TULP3: variants seen among roughly 807,000 people sequenced by gnomAD.
TULP3 encodes tubby-related protein 3.
A neutral mutation model predicts 50.7 loss-of-function variants in TULP3; 38 were observed. The observed-to-expected ratio is 0.75, with a 90% CI of 0.58 to 0.98. The LOEUF (loss-of-function observed/expected upper bound fraction) is 0.98. Ranked by LOEUF, TULP3 falls within the 50% of genes least tolerant of loss-of-function variation. The pLI, the probability that TULP3 is intolerant of heterozygous loss-of-function variation, is 0.00. For synonymous variants in TULP3, 183 were observed against 196.6 expected (o/e 0.93, Z 0.58); for missense variants, 550 against 568.0 (o/e 0.97, Z 0.32).
chr12:2,896,492 A>G (rs1437979217), intron 1 of TULP3, among the ~76,000 whole-genome samples: 1 of 152,186 alleles, frequency 6.6e-6, no homozygotes, highest in East Asian at 1.9e-4. Flanking sequence ...ATTCAGGTAG[A>G]TTGGGAGTGA....
chr12:2,898,370 G>T (rs1200222383), intron 1 of TULP3, among the ~76,000 whole-genome samples: 1 of 152,052 alleles, frequency 6.6e-6, no homozygotes, highest in African/African-American at 2.4e-5. Context: ...TTGCTTTGTT[G>T]CCCAAGCTGG....
intron 2 of TULP3, among the ~76,000 whole-genome samples, chr12:2,912,040 G>C (rs1390473744): frequency 6.6e-6 from 1 of 152,020 alleles, no homozygotes; most frequent in Non-Finnish European, 1.5e-5. Context: ...AAGTCACTCA[G>C]TAGGGGGTAA....
intron 1 of TULP3, among the ~76,000 whole-genome samples, chr12:2,906,419 C>T (rs2098182286): frequency 6.6e-6 from 1 of 151,170 alleles, no homozygotes; most frequent in South Asian, 2.1e-4. Flanking sequence ...TCCTCCGCCT[C>T]CTGGGTTCAA....
intron 2 of TULP3, among the ~76,000 whole-genome samples, chr12:2,917,680 A>G (rs901880528): frequency 1.3e-5 from 2 of 151,978 alleles, no homozygotes; most frequent in Admixed American, 6.6e-5. Context: ...GATCGAGACC[A>G]TCCTGGCCAA....
rs946256961 is a variant in TULP3, at chr12:2,939,232, G to C, written c.1196-79G>C. 2 of 1,511,968 alleles carry C rather than the reference G, an allele frequency of 1.3e-6. No homozygotes were observed. Among genetic ancestry groups the C allele is most frequent in the South Asian group, 2.4e-5 (2 of 82,192 alleles). The allele number at this position is 1,511,968 out of a possible 1,614,324, so 93.7% of individuals were successfully genotyped here. ...GGCGACAGAGCAAAACCCCATCTAA[G>C]AAAAGGAAGAAAAAGAAAAAGATTT... On this transcript the variant is annotated intron_variant, in intron 10 of 10. Transcript: ENST00000448120. The surrounding 1 kb of genome is among the most constrained non-coding windows in gnomAD (Gnocchi z 4.0).
At chr12:2,897,021 ATTTTTT>A in intron 1 of TULP3, among the ~76,000 whole-genome samples, 1 of 151,070 alleles carries the variant, frequency 6.6e-6, no homozygotes. Context: ...GGACTTTTAA[ATTTTTT>A]TTTTGGAGTC....
At chr12:2,916,681 A>G (rs930327215) in intron 2 of TULP3, among the ~76,000 whole-genome samples, 1 of 152,202 alleles carries the variant, frequency 6.6e-6, no homozygotes, top group South Asian at 2.1e-4. Flanking sequence ...TAAAATATAG[A>G]TGGAATAGGA....
rs1021331184 is a variant in TULP3, at chr12:2,918,011, C to T, written c.94-2752C>T. Among the ~76,000 whole-genome samples, 7 of 150,958 alleles carry T rather than the reference C, an allele frequency of 4.6e-5. No homozygotes were observed. In the East Asian group the frequency reaches 1.4e-3, roughly 31 times the overall value. ...GGCTGAGTCAGGAGAATTGCTTGAA[C>T]CCAGGAGGCAGAGATTGCAAGTGAG... On this transcript the variant is annotated intron_variant, in intron 2 of 10. Transcript: ENST00000448120.
At chr12:2,932,579 CAAAAAAA>C (rs11409686) in intron 6 of TULP3, among the ~76,000 whole-genome samples, 2 of 68,904 alleles carry the variant, frequency 2.9e-5, no homozygotes, top group Non-Finnish European at 5.7e-5. Context: ...GACCCTATCT[CAAAAAAA>C]AAAAAAAAAA....
Position 2,920,927 on chromosome 12 carries a change from G to A in TULP3, c.253+5G>A, listed in dbSNP as rs1208196222. 1.1e-5 allele frequency: 18 copies of A among 1,613,808 alleles called. No homozygotes were observed. The highest frequency in any genetic ancestry group is 1.4e-5 in the Non-Finnish European group (17 of 1,179,782). ...ACAGCAATGTCATCTTACATGGTGT[G>A]TATTTAGGCAGCATCACTTCCTAGT... On this transcript the variant is annotated splice_donor_5th_base_variant and intron_variant, in intron 3 of 10. Transcript: ENST00000448120.
intron 6 of TULP3, among the ~76,000 whole-genome samples, chr12:2,933,127 A>G (rs1169717019): frequency 6.6e-6 from 1 of 151,988 alleles, no homozygotes; most frequent in Non-Finnish European, 1.5e-5. Flanking sequence ...TATTTTTAGT[A>G]GAGACAGGGT....
At chr12:2,931,005 C>T in intron 5 of TULP3, 32 bp from the exon 6 acceptor site, 1 of 1,612,104 alleles carries the variant, frequency 6.2e-7, no homozygotes, top group Non-Finnish European at 8.5e-7. Flanking sequence ...GAGTCTCGGC[C>T]TGTTGTTGCT....
chr12:2,896,249 G>A (rs896966208), intron 1 of TULP3, among the ~76,000 whole-genome samples: 3 of 152,164 alleles, frequency 2.0e-5, no homozygotes, highest in Non-Finnish European at 4.4e-5. Context: ...TGACAATGTG[G>A]TGTTATCATC....
At chr12:2,906,092 G>A (rs189736977) in intron 1 of TULP3, among the ~76,000 whole-genome samples, 1 of 148,770 alleles carries the variant, frequency 6.7e-6, no homozygotes, top group African/African-American at 2.5e-5. Flanking sequence ...GTGCAGTGAC[G>A]CCATCTTGGG....
At chr12:2,933,787 C>T (rs569139027) in intron 7 of TULP3, among the ~76,000 whole-genome samples, 28 of 152,114 alleles carry the variant, frequency 1.8e-4, no homozygotes, top group Non-Finnish European at 3.4e-4. Flanking sequence ...TCCCTCTCTA[C>T]TAAAAATACA....
At chr12:2,938,477 G>A (rs2098202826) in intron 10 of TULP3, among the ~76,000 whole-genome samples, 192 bp downstream of exon 10, 1 of 152,098 alleles carries the variant, frequency 6.6e-6, no homozygotes, top group South Asian at 2.1e-4. Flanking sequence ...GAGGGGAGAG[G>A]AGTGTGAGAG....
At chr12:2,906,549 G>A (rs1040589321) in intron 1 of TULP3, among the ~76,000 whole-genome samples, 5 of 150,998 alleles carry the variant, frequency 3.3e-5, no homozygotes, top group African/African-American at 1.2e-4. Context: ...GGCTGGTCTC[G>A]AACTTCTGGG....
At chr12:2,930,952 G>A (rs1192494434) in intron 5 of TULP3, 85 bp from the exon 6 acceptor site, 4 of 1,451,168 alleles carry the variant, frequency 2.8e-6, no homozygotes, top group African/African-American at 1.4e-5. Flanking sequence ...AAATTACTAA[G>A]TTGCTTTGTC....
chr12:2,931,396 C>T (rs762662880), intron 6 of TULP3, among the ~76,000 whole-genome samples, 156 bp downstream of exon 6: 1 of 152,224 alleles, frequency 6.6e-6, no homozygotes, highest in Non-Finnish European at 1.5e-5. Flanking sequence ...TTCTCATTTT[C>T]TGCAAAGAGC....
Sources: allele counts gnomAD v4.1 joint callset (sites outside exome capture counted in the v4.1 genomes callset), GRCh38; gene constraint gnomAD v4.1.1; non-coding constraint Gnocchi (gnomAD v3.1); transcripts MANE v1.5; gene names NCBI Gene and HGNC (gene_info 2026-07-23, HGNC 2026-07-21).